Variants in ZNF444 observed in about 807,000 individuals in gnomAD.
The protein encoded by ZNF444 is endothelial zinc finger protein 2.
ZNF444 carries 8 observed loss-of-function variants against 14.4 expected under a neutral mutation model. The ratio of observed to expected loss-of-function variants is 0.56; its 90% CI spans 0.33 to 1.00. The LOEUF (loss-of-function observed/expected upper bound fraction) is 1.00, where lower values mean the gene tolerates loss of function less well. Ranked by LOEUF, ZNF444 falls within the 50% of genes least tolerant of loss-of-function variation. The pLI, the probability that ZNF444 is intolerant of heterozygous loss-of-function variation, is 0.03. For synonymous variants in ZNF444, 258 were observed against 235.9 expected, an observed-to-expected ratio of 1.09 and a Z score of -0.86; for missense variants, 510 against 504.8, an observed-to-expected ratio of 1.01 and a Z score of -0.10.
chr19:56,141,340 C>G lies in ZNF444; in HGVS notation c.-214C>G, dbSNP rs1335242346. The G allele has an allele frequency of 3.0e-5, 1 of 33,562 alleles. No individual in the cohort carries two copies. Among genetic ancestry groups the G allele is most frequent in the Non-Finnish European group, 5.6e-5 (1 of 17,858 alleles). 2.1% of individuals were successfully genotyped at this position (33,562 alleles called of 1,614,324 possible). A position where few individuals can be genotyped will look rare whatever the true frequency, so the allele number is the denominator to read the frequency against. On this transcript the variant is annotated 5_prime_UTR_variant, in exon 1 of 5. Coordinates refer to ENST00000337080, the MANE Select transcript of ZNF444 (RefSeq NM_018337.4). ...GGGGAGGTGAGGGGGCTTGGGGGGC[C>G]TCGCCTGAGAGAGTGAGGTGAGCGA...
At position 56,158,192 on chromosome 19, in the gene ZNF444, C is replaced by T. The variant is rs557017604; in HGVS notation, c.298-302C>T. The T allele has an allele frequency of 1.9e-5, 5 of 269,722 alleles. No individual in the cohort carries two copies. The East Asian group carries it at 2.1e-4, about 11-fold the overall frequency. The allele number at this position is 269,722 out of a possible 1,614,324, so 16.7% of individuals were successfully genotyped here. ...CAGAAAGCCTCTGTGGGTCCGGAGT[C>T]TGTGAGTGGCTTGGGCACGCGGACC... On this transcript the variant is annotated intron_variant, in intron 3 of 4. Coordinates refer to ENST00000337080, the MANE Select transcript of ZNF444 (RefSeq NM_018337.4).
At position 56,155,417 on chromosome 19, in the gene ZNF444, C is replaced by G. The variant is rs574958548; in HGVS notation, c.298-3077C>G. 3 of 152,546 alleles carry G rather than the reference C, an allele frequency of 2.0e-5. No individual in the cohort carries two copies. In the East Asian group the frequency reaches 5.8e-4, roughly 29 times the overall value. 9.4% of individuals were successfully genotyped at this position (152,546 alleles called of 1,614,324 possible). A position where few individuals can be genotyped will look rare whatever the true frequency, so the allele number is the denominator to read the frequency against. The stretch of plus-strand genomic sequence containing the variant: ...ATCCCTGGCAGAGGCCGAGCTGATG[C>G]ACATGGCCCAGACCCCCAACCCTGA... On this transcript the variant is annotated intron_variant, in intron 3 of 4. Transcript: ENST00000337080.
At position 56,133,920 on chromosome 19, in the gene ZNF444, G is replaced by A. The variant is rs150723528; in HGVS notation, c.-197+1142G>A. 2.1e-3 allele frequency among the ~76,000 whole-genome samples: 326 copies of A among 152,136 alleles called. 1 individual carries two copies. Among genetic ancestry groups the A allele is most frequent in the African/African-American group, 6.4e-3 (267 of 41,506 alleles). On this transcript the variant is annotated intron_variant, in intron 1 of 2. Transcript: ENST00000587467. ...AATGTGATCCATCATTAAGCAATTC[G>A]TTCATTAATTTCATTATCCTTTCTC...
rs1024433579 is a variant in ZNF444 at position 56,148,326 on chromosome 19, G to T, written c.297+1118G>T. ...AGGGGCCCTGAGTGAGGGGGTGTTT[G>T]CGGCCAGGCCTGAGTCCCCAGTGGC... On this transcript the variant is annotated intron_variant, in intron 3 of 4. Coordinates refer to ENST00000337080, the MANE Select transcript of ZNF444 (RefSeq NM_018337.4). Among the ~76,000 whole-genome samples the T allele has an allele frequency of 7.2e-5, 11 of 152,112 alleles. 1 individual carries two copies. Among genetic ancestry groups the T allele is most frequent in the Admixed American group, 7.2e-4 (11 of 15,294 alleles).
In ZNF444 at chr19:56,159,716, C is replaced by T. The variant is rs377588822; in HGVS notation, c.499C>T (p.Pro167Ser). 2.7e-5 allele frequency: 42 copies of T among 1,561,300 alleles called. No individual in the cohort carries two copies. In the African/African-American group the frequency reaches 5.1e-4, roughly 19 times the overall value. The change falls in exon 5 of 5, where the codon CCT becomes TCT. Residue 167 changes from proline to serine, a missense_variant. Physicochemically the swap from Pro to Ser is moderately conservative, Grantham distance 74. Coordinates refer to ENST00000337080, the MANE Select transcript of ZNF444 (RefSeq NM_018337.4). Reference protein sequence around the residue: ...KQEPSSPPLAPGLPAFLAAPG... With the variant: ...KQEPSSPPLASGLPAFLAAPG... Reference sequence around the variant, plus strand: ...GGAGCCCAGCAGCCCCCCGCTGGCGCCTGGCCTGCCCGCCTTCCTAGCGGC... The same window carrying T: ...GGAGCCCAGCAGCCCCCCGCTGGCGTCTGGCCTGCCCGCCTTCCTAGCGGC...
At chr19:56,148,279 C>G (rs575597590) in intron 3 of ZNF444, among the ~76,000 whole-genome samples, 1 of 152,244 alleles carries the variant, frequency 6.6e-6, no homozygotes. Flanking sequence ...GTGCAAAGGC[C>G]CTGAGCCACC....
At chr19:56,134,036 C>T (rs2030554600) in intron 1 of ZNF444, among the ~76,000 whole-genome samples, 1 of 151,982 alleles carries the variant, frequency 6.6e-6, no homozygotes. Flanking sequence ...GACTGACATC[C>T]ATACGCCATC....
intron 1 of ZNF444, among the ~76,000 whole-genome samples, chr19:56,133,114 T>C (rs918044994): frequency 6.6e-6 from 1 of 151,890 alleles, no homozygotes; most frequent in African/African-American, 2.4e-5. Context: ...ATTTTTGTAT[T>C]TTTAGTAGAG....
intron 3 of ZNF444, chr19:56,150,338 T>C (rs2031498267): frequency 7.8e-6 from 2 of 256,844 alleles, no homozygotes; most frequent in South Asian, 4.3e-5. Flanking sequence ...GAGAGTTCTG[T>C]TGGTTCAGTG....
In ZNF444 at chr19:56,149,649, C is replaced by T. The variant is rs371908156; in HGVS notation, c.297+2441C>T. ...CTCTCCCTCCCCTTCCCCCACCCCC[C>T]GACAGGCCCTGGTGTGTGATGTTCT... On this transcript the variant is annotated intron_variant, in intron 3 of 4. Coordinates refer to ENST00000337080, the MANE Select transcript of ZNF444 (RefSeq NM_018337.4). Among the ~76,000 whole-genome samples, 6 of 152,186 alleles carry T rather than the reference C, an allele frequency of 3.9e-5. No homozygotes were observed. The East Asian group carries it at 7.7e-4, about 20-fold the overall frequency.
At chr19:56,138,472 GA>G (rs999091706), upstream of ZNF444, among the ~76,000 whole-genome samples, 59 of 145,524 alleles carry the variant, frequency 4.1e-4, no homozygotes, top group African/African-American at 5.5e-4. Context: ...ACAAAAAAAA[GA>G]AAAAAAAAAA....
Position 56,148,161 on chromosome 19 carries a change from G to T in ZNF444, c.297+953G>T, listed in dbSNP as rs557639770. On this transcript the variant is annotated intron_variant, in intron 3 of 4. Transcript: ENST00000337080. ...TGTTCAAAATACCATCCTTTCAGTA[G>T]TGGCACTCTCCCATGGCTGGTGGCT... 2.0e-5 allele frequency among the ~76,000 whole-genome samples: 3 copies of T among 152,364 alleles called. 1 individual carries two copies. The highest frequency in any genetic ancestry group is 6.5e-5 in the Admixed American group (1 of 15,304).
intron 3 of ZNF444, chr19:56,151,904 C>G: frequency 4.4e-6 from 2 of 456,944 alleles, no homozygotes; most frequent in Non-Finnish European, 8.8e-6. Context: ...ATTGGGGTTT[C>G]TTGGCATCTG....
rs1490493905 is a variant in ZNF444 at position 56,144,639 on chromosome 19, C to A, written c.-196-1608C>A. Among the ~76,000 whole-genome samples the A allele has an allele frequency of 6.6e-6, 1 of 152,148 alleles. No individual in the cohort carries two copies. Among genetic ancestry groups the A allele is most frequent in the Non-Finnish European group, 1.5e-5 (1 of 68,028 alleles). On this transcript the variant is annotated intron_variant, in intron 1 of 4. Transcript: ENST00000337080. This position sits in a 1 kb window ranked among gnomAD's most constrained non-coding sequence, Gnocchi z 4.0. ...TCAGGAGCCCAGGCTTTGGTTGTAT[C>A]AGGAGGAAAATTGTCTGAACACAGA...
chr19:56,147,262 G>C lies in ZNF444; in HGVS notation c.297+54G>C, dbSNP rs2031254328. 1.4e-6 allele frequency: 2 copies of C among 1,390,942 alleles called. No homozygotes were observed. The highest frequency in any genetic ancestry group is 3.0e-5 in the African/African-American group (2 of 65,584). 86.2% of individuals were successfully genotyped at this position (1,390,942 alleles called of 1,614,324 possible). ...AGGGAGAGGGGAAGGTGCCAGGGAA[G>C]CCACCAGGAAGCCCAGGGAGGAGCA... On this transcript the variant is annotated intron_variant, in intron 3 of 4. Transcript: ENST00000337080. This position sits in a 1 kb window ranked among gnomAD's most constrained non-coding sequence, Gnocchi z 5.9.
Position 56,160,445 on chromosome 19 carries a change from C to G in ZNF444, c.*244C>G. On this transcript the variant is annotated 3_prime_UTR_variant, in exon 5 of 5. Transcript: ENST00000337080. ...CCTTCTCCCTGATTTCTCGGCCTCT[C>G]TCTCTGTGTGAAGGGGCCTCTCCCT... The G allele has an allele frequency of 1.3e-5, 6 of 472,132 alleles. No homozygotes were observed. The highest frequency in any genetic ancestry group is 5.5e-4 in the Middle Eastern group (1 of 1,832). The allele number at this position is 472,132 out of a possible 1,614,324, so 29.2% of individuals were successfully genotyped here.
rs572821922 is a variant in ZNF444 at position 56,152,153 on chromosome 19, A to C, written c.297+4945A>C. On this transcript the variant is annotated intron_variant, in intron 3 of 4. Transcript: ENST00000337080. ...TCGAGACCAGCCTGGCCAACATGGC[A>C]AAACTGCGTCTCTACTAAAAATACA... Among the ~76,000 whole-genome samples the C allele has an allele frequency of 2.6e-5, 4 of 152,194 alleles. No homozygotes were observed. The East Asian group carries it at 7.7e-4, about 29-fold the overall frequency.
intron 3 of ZNF444, chr19:56,154,179 G>T (rs1053066020): frequency 6.6e-6 from 1 of 152,260 alleles, no homozygotes; most frequent in African/African-American, 2.4e-5. Context: ...AGTGGCAGAT[G>T]TGAGAGTCTG....
At position 56,146,968 on chromosome 19, in the gene ZNF444, G is replaced by T. The variant is rs750390698; in HGVS notation, c.57G>T (p.Pro19=). The change falls in exon 3 of 5, where the codon CCG becomes CCT. Residue 19 remains proline (P), a synonymous_variant. Coordinates refer to ENST00000337080, the MANE Select transcript of ZNF444 (RefSeq NM_018337.4). The part of the protein sequence containing the change: ...QEAEGLALDS[P]WHRFRRFHLG... ...CCGAGGGCCTGGCGCTGGACTCCCCGTGGCACCGCTTCCGCCGCTTCCACC... is the reference window on the plus strand; with the variant it reads ...CCGAGGGCCTGGCGCTGGACTCCCCTTGGCACCGCTTCCGCCGCTTCCACC... 2 of 1,443,316 alleles carry T rather than the reference G, an allele frequency of 1.4e-6. No individual in the cohort carries two copies. Among genetic ancestry groups the T allele is most frequent in the East Asian group, 5.7e-5 (2 of 35,180 alleles). 89.4% of individuals were successfully genotyped at this position (1,443,316 alleles called of 1,614,324 possible).
Sources: gnomAD v4.1 joint callset for allele counts (sites outside exome capture counted in the v4.1 genomes callset) on GRCh38, gnomAD v4.1.1 for gene constraint, Gnocchi (gnomAD v3.1) non-coding constraint, MANE v1.5 for transcripts, NCBI Gene and HGNC (gene_info 2026-07-23, HGNC 2026-07-21) for gene names.